Variants in ELMO1 observed in about 807,000 individuals in gnomAD.
The protein encoded by ELMO1 is engulfment and cell motility protein 1.
A neutral mutation model predicts 98.9 loss-of-function variants in ELMO1; 26 were observed. The ratio of observed to expected loss-of-function variants is 0.26; its 90% confidence interval spans 0.19 to 0.36. The LOEUF is 0.36. Among genes scored for constraint, ELMO1 ranks in the 10% least tolerant of loss-of-function variants. ELMO1 has a pLI of 1.00. For missense variants in ELMO1, 627 were observed against 935.2 expected (o/e 0.67, Z 4.30); for synonymous variants, 346 against 346.0 (o/e 1.00, Z 0.00).
At chr7:37,232,141 A>T (rs1794211501) in intron 8 of ELMO1, among the ~76,000 whole-genome samples, 1 of 152,120 alleles carries the variant, frequency 6.6e-6, no homozygotes, top group Admixed American at 6.5e-5. Context: ...ACTTTTCTTT[A>T]AGTCTACCAT....
chr7:37,066,901 C>T (rs1410539210), intron 15 of ELMO1, among the ~76,000 whole-genome samples: 1 of 152,160 alleles, frequency 6.6e-6, no homozygotes, highest in African/African-American at 2.4e-5. Context: ...TGCTCTGATA[C>T]TTGGAAATCC....
chr7:37,245,460 C>G (rs1020868518), intron 6 of ELMO1, among the ~76,000 whole-genome samples: 14 of 152,136 alleles, frequency 9.2e-5, no homozygotes, highest in African/African-American at 3.4e-4. Flanking sequence ...AATCACCAGG[C>G]AAAGACTAAA....
chr7:37,093,788 T>C (rs545007120), intron 15 of ELMO1, among the ~76,000 whole-genome samples: 1 of 152,358 alleles, frequency 6.6e-6, no homozygotes, highest in African/African-American at 2.4e-5. Flanking sequence ...CATCTGGGCA[T>C]GTAGGCTTCA....
chr7:37,442,777 T>C (rs1805461067), intron 1 of ELMO1, among the ~76,000 whole-genome samples: 1 of 152,160 alleles, frequency 6.6e-6, no homozygotes. Context: ...CTGCAGGACA[T>C]ACAGGAGTGA....
intron 1 of ELMO1, among the ~76,000 whole-genome samples, chr7:37,423,671 T>C (rs1013066110): frequency 2.0e-5 from 3 of 152,198 alleles, no homozygotes; most frequent in African/African-American, 7.2e-5. Context: ...TTTTTTTATA[T>C]ATGTGTTTGT....
chr7:36,971,250 C>G (rs1453652957), intron 16 of ELMO1, among the ~76,000 whole-genome samples: 1 of 152,184 alleles, frequency 6.6e-6, no homozygotes, highest in Non-Finnish European at 1.5e-5. Flanking sequence ...ATGAACTGTT[C>G]AAGGTGCTTT....
At chr7:37,074,289 C>G (rs1473462691) in intron 15 of ELMO1, among the ~76,000 whole-genome samples, 1 of 151,378 alleles carries the variant, frequency 6.6e-6, no homozygotes, top group Non-Finnish European at 1.5e-5. Context: ...CTTGTCTAAA[C>G]AGTGGTAGAA....
At chr7:37,292,753 C>T (rs1412065883) in intron 4 of ELMO1, among the ~76,000 whole-genome samples, 79 of 100,614 alleles carry the variant, frequency 7.9e-4, no homozygotes, top group Admixed American at 1.1e-3. Context: ...GTCAGCCCCC[C>T]GCCCGGCCAG....
intron 2 of ELMO1, among the ~76,000 whole-genome samples, chr7:37,326,408 A>T (rs757194434): frequency 2.0e-5 from 3 of 152,064 alleles, no homozygotes; most frequent in Non-Finnish European, 4.4e-5. Flanking sequence ...TACAAAAATT[A>T]GCCGGGCGTG....
At chr7:37,290,209 T>A (rs547829654) in intron 4 of ELMO1, among the ~76,000 whole-genome samples, 1 of 152,180 alleles carries the variant, frequency 6.6e-6, no homozygotes, top group Non-Finnish European at 1.5e-5. Flanking sequence ...CTCTTTCACA[T>A]ACAGGCTCTA....
intron 16 of ELMO1, among the ~76,000 whole-genome samples, chr7:36,993,150 G>T (rs552566243): frequency 6.6e-6 from 1 of 152,228 alleles, no homozygotes; most frequent in South Asian, 2.1e-4. Context: ...TTCTGAAGGG[G>T]GTGGACAAAG....
intron 1 of ELMO1, among the ~76,000 whole-genome samples, chr7:37,417,382 C>T (rs1439044768): frequency 6.6e-6 from 1 of 152,154 alleles, no homozygotes; most frequent in Non-Finnish European, 1.5e-5. Context: ...CAAAAATTGG[C>T]CAGGCGCGGT....
chr7:37,026,276 T>C (rs901906194), intron 15 of ELMO1, among the ~76,000 whole-genome samples: 1 of 152,158 alleles, frequency 6.6e-6, no homozygotes, highest in African/African-American at 2.4e-5. Context: ...AAGAACTGTG[T>C]CTGTCTTGCA....
intron 16 of ELMO1, among the ~76,000 whole-genome samples, chr7:36,955,061 C>G (rs1788330840): frequency 6.6e-6 from 1 of 152,182 alleles, no homozygotes; most frequent in African/African-American, 2.4e-5. Context: ...AGTTTTATGG[C>G]ACACAAAAGG....
intron 4 of ELMO1, among the ~76,000 whole-genome samples, chr7:37,298,407 C>G (rs2131006248): frequency 6.8e-6 from 1 of 147,436 alleles, no homozygotes; most frequent in African/African-American, 2.5e-5. Context: ...CACCCACTAA[C>G]TCGTCATCTA....
chr7:36,891,668 A>ATGACTC (rs1227248608), intron 17 of ELMO1, among the ~76,000 whole-genome samples: 1 of 152,238 alleles, frequency 6.6e-6, no homozygotes, highest in Non-Finnish European at 1.5e-5. Flanking sequence ...CTTTTCATGC[A>ATGACTC]TGACTCTGTC....
chr7:37,154,737 C>G (rs1788614174), intron 13 of ELMO1, among the ~76,000 whole-genome samples: 1 of 152,186 alleles, frequency 6.6e-6, no homozygotes, highest in African/African-American at 2.4e-5. Flanking sequence ...GGAAAACACT[C>G]TGCAGGATAT....
At chr7:37,182,555 TTCTC>T (rs1315141112) in intron 13 of ELMO1, among the ~76,000 whole-genome samples, 1 of 150,534 alleles carries the variant, frequency 6.6e-6, no homozygotes, top group African/African-American at 2.5e-5. Context: ...CTCTCCTTCT[TTCTC>T]TCTTTCTCTC....
chr7:37,200,441 ATT>A (rs1473076137), intron 13 of ELMO1, among the ~76,000 whole-genome samples: 3 of 151,938 alleles, frequency 2.0e-5, no homozygotes, highest in African/African-American at 7.3e-5. Flanking sequence ...AGTGCATGCC[ATT>A]CTCTCTGTCA....
Sources: allele counts gnomAD v4.1 joint callset (sites outside exome capture counted in the v4.1 genomes callset), GRCh38; gene constraint gnomAD v4.1.1; transcripts MANE v1.5; gene names NCBI Gene and HGNC (gene_info 2026-07-23, HGNC 2026-07-21).